The following DIAPH2 variants were observed in gnomAD, a reference collection of about 807,000 sequenced individuals.
DIAPH2 encodes the protein diaphanous related formin 2.
DIAPH2 carries 35 observed loss-of-function variants against 92.7 expected under a neutral mutation model. That is an observed-to-expected ratio of 0.38 (90% confidence interval 0.29 to 0.50). DIAPH2 has a LOEUF of 0.50. DIAPH2 is among the 20% of genes least tolerant of loss of function. The probability of loss-of-function intolerance (pLI) is 0.94; values close to 1 mark genes in which losing one functional copy is unlikely to be tolerated. For synonymous variants in DIAPH2, 301 were observed against 280.4 expected (o/e 1.07, Z -0.73); for missense variants, 701 against 819.5 (o/e 0.86, Z 1.77).
At chrX:97,182,443 A>G (rs191948431) in intron 22 of DIAPH2, among the ~76,000 whole-genome samples, 90 of 111,341 alleles carry the variant, frequency 8.1e-4, no homozygotes, top group Non-Finnish European at 6.2e-4. Context: ...AATTTTGAGT[A>G]GCAGAGGAAT....
chrX:97,300,931 TAAAAAAAA>T (rs774601881), intron 23 of DIAPH2, among the ~76,000 whole-genome samples: 170 of 10,760 alleles, frequency 0.016, 1 homozygote, highest in African/African-American at 0.049. Context: ...GACTCCGTCT[TAAAAAAAA>T]AAAAAAAAAA....
chrX:97,058,530 C>CTTTCTCTTATTGAATG (rs1257069086), intron 17 of DIAPH2, among the ~76,000 whole-genome samples: 1 of 101,468 alleles, frequency 9.9e-6, no homozygotes, highest in Non-Finnish European at 2.0e-5. Context: ...CTGTTGATTA[C>CTTTCTCTTATTGAATG]TTTCTCTTAT....
intron 17 of DIAPH2, among the ~76,000 whole-genome samples, chrX:97,032,246 G>A (rs1415451191): frequency 9.0e-6 from 1 of 111,160 alleles, no homozygotes. Flanking sequence ...TTGGTCTTGA[G>A]GCAGAGACTA....
rs138518473 is a variant in DIAPH2 at position 96,961,651 on chromosome X, G to A, written c.1936-3442G>A. ...TTATTTGACATCTTTCCATTTTTTC[G>A]AAGTAGTTGTTTATTGCTATGAACA... On this transcript the variant is annotated intron_variant, in intron 16 of 26. Coordinates refer to ENST00000324765, the MANE Select transcript of DIAPH2 (RefSeq NM_006729.5). Among the ~76,000 whole-genome samples the A allele has an allele frequency of 4.1e-3, 446 of 108,957 alleles. 1 individual carries two copies. The highest frequency in any genetic ancestry group is 9.7e-3 in the African/African-American group (294 of 30,169). The allele number at this position is 108,957 out of a possible 115,157, so 94.6% of individuals were successfully genotyped here. A position where few individuals can be genotyped will look rare whatever the true frequency, so the allele number is the denominator to read the frequency against.
chrX:97,237,733 C>T (rs1159842574), intron 22 of DIAPH2, among the ~76,000 whole-genome samples: 2 of 110,530 alleles, frequency 1.8e-5, no homozygotes, highest in Non-Finnish European at 3.8e-5. Context: ...AGGCGCCTGC[C>T]ACCGCGCCTG....
chrX:97,121,189 T>C (rs2067055274), intron 21 of DIAPH2, among the ~76,000 whole-genome samples: 1 of 112,318 alleles, frequency 8.9e-6, no homozygotes, highest in Non-Finnish European at 1.9e-5. Context: ...AATACTTTAG[T>C]CAGTGTATTG....
intron 17 of DIAPH2, among the ~76,000 whole-genome samples, chrX:96,970,382 AT>A (rs549112562): frequency 2.5e-3 from 249 of 97,835 alleles, no homozygotes; most frequent in South Asian, 3.7e-3. Context: ...TGTTTTTGTC[AT>A]TTTTTTTTAA....
chrX:97,410,378 G>A (rs1043263739), intron 25 of DIAPH2, among the ~76,000 whole-genome samples: 10 of 111,765 alleles, frequency 8.9e-5, no homozygotes, highest in African/African-American at 2.9e-4. Context: ...CAATAAAAAG[G>A]ACATCCACAC....
chrX:97,557,258 G>A (rs184555598), intron 26 of DIAPH2, among the ~76,000 whole-genome samples: 1 of 111,463 alleles, frequency 9.0e-6, no homozygotes, highest in Admixed American at 9.5e-5. Context: ...GGGGCTTTAG[G>A]CCAGGCACGG....
intron 14 of DIAPH2, among the ~76,000 whole-genome samples, chrX:96,946,150 C>A (rs944738920): frequency 9.0e-6 from 1 of 111,689 alleles, no homozygotes; most frequent in Non-Finnish European, 1.9e-5. Flanking sequence ...GATCCCTTTT[C>A]TTTCTGTGTT....
At chrX:97,224,493 T>G (rs2067950353) in intron 22 of DIAPH2, among the ~76,000 whole-genome samples, 1 of 112,449 alleles carries the variant, frequency 8.9e-6, no homozygotes, top group Non-Finnish European at 1.9e-5. Flanking sequence ...AGAAATGCTT[T>G]GCATATATGT....
At chrX:97,245,508 C>A (rs190111060) in intron 22 of DIAPH2, among the ~76,000 whole-genome samples, 2 of 110,398 alleles carry the variant, frequency 1.8e-5, no homozygotes, top group Non-Finnish European at 3.8e-5. Flanking sequence ...CCTGGGCCCA[C>A]GTGATCCTCC....
At chrX:97,129,122 TTTTCTTTTCTTTTCTTTTCTTTTC>T (rs1408321091) in intron 21 of DIAPH2, among the ~76,000 whole-genome samples, 19 of 74,948 alleles carry the variant, frequency 2.5e-4, no homozygotes, top group African/African-American at 1.1e-3. Context: ...TTTTCTTTTC[TTTTCTTTTCTTTTCTTTTCTTTTC>T]TTTCTTTTCT....
Position 97,139,932 on chromosome X carries a change from A to G in DIAPH2, c.2590-1733A>G, listed in dbSNP as rs570498070. The stretch of plus-strand genomic sequence containing the variant: ...TTATATTTCCTTTCCAGTGTTAGCC[A>G]TGTGCGTTTTATTGTAAACTATAAT... On this transcript the variant is annotated intron_variant, in intron 21 of 26. Coordinates refer to ENST00000324765, the MANE Select transcript of DIAPH2 (RefSeq NM_006729.5). Among the ~76,000 whole-genome samples, 13 of 110,885 alleles carry G rather than the reference A, an allele frequency of 1.2e-4. No homozygotes were observed. In the South Asian group the frequency reaches 4.2e-3, roughly 36 times the overall value.
intron 22 of DIAPH2, among the ~76,000 whole-genome samples, chrX:97,228,603 A>T (rs940951180): frequency 4.5e-5 from 5 of 111,759 alleles, no homozygotes; most frequent in Non-Finnish European, 9.4e-5. Context: ...GCAGTTTACA[A>T]TTATGTAAAT....
intron 21 of DIAPH2, among the ~76,000 whole-genome samples, chrX:97,129,142 TTTTC>T (rs554507387): frequency 0.033 from 2,132 of 64,289 alleles, 44 homozygotes; most frequent in Non-Finnish European, 0.047. Flanking sequence ...TTTTCTTTTC[TTTTC>T]TTTCTTTTCT....
chrX:97,031,017 T>C (rs2066369931), intron 17 of DIAPH2, among the ~76,000 whole-genome samples: 1 of 111,888 alleles, frequency 8.9e-6, no homozygotes, highest in African/African-American at 3.2e-5. Flanking sequence ...AACAAATTAT[T>C]TTACTCAGGG....
At chrX:97,179,206 G>A (rs1158490412) in intron 22 of DIAPH2, among the ~76,000 whole-genome samples, 8 of 108,119 alleles carry the variant, frequency 7.4e-5, no homozygotes, top group Non-Finnish European at 1.3e-4. Flanking sequence ...GGTTCAATGC[G>A]AGGCTGTGAT....
chrX:97,226,364 A>ATTTTGTTTTG (rs762359546), intron 22 of DIAPH2, among the ~76,000 whole-genome samples: 8 of 101,285 alleles, frequency 7.9e-5, no homozygotes, highest in African/African-American at 1.4e-4. Flanking sequence ...TTTTTGTTTT[A>ATTTTGTTTTG]TTTTGTTTTG....
Sources: gnomAD v4.1 joint callset for allele counts (sites outside exome capture counted in the v4.1 genomes callset) on GRCh38, gnomAD v4.1.1 for gene constraint, MANE v1.5 for transcripts, NCBI Gene and HGNC (gene_info 2026-07-23, HGNC 2026-07-21) for gene names.